CFAP299: variants seen among roughly 807,000 people sequenced by gnomAD.
CFAP299 encodes cilia and flagella associated protein 299.
Under a neutral mutation model 27.0 loss-of-function variants are expected in CFAP299, and 21 were observed. The observed-to-expected ratio is 0.78, with a 90% confidence interval of 0.55 to 1.12. CFAP299 has a LOEUF of 1.12. CFAP299 is among the 50% of genes most tolerant of loss of function. The pLI is 0.00. For missense variants in CFAP299, 310 were observed against 276.6 expected, an observed-to-expected ratio of 1.12 and a Z score of -0.86; for synonymous variants, 104 against 98.1, an observed-to-expected ratio of 1.06 and a Z score of -0.36.
chr4:80,636,874 G>T (rs931432513), intron 3 of CFAP299, among the ~76,000 whole-genome samples: 3 of 152,126 alleles, frequency 2.0e-5, no homozygotes, highest in Non-Finnish European at 2.9e-5. Context: ...TGTAGAGAAA[G>T]TTTGTCCACC....
chr4:80,672,841 G>C (rs1414715699), intron 3 of CFAP299, among the ~76,000 whole-genome samples: 1 of 151,884 alleles, frequency 6.6e-6, no homozygotes. Flanking sequence ...TGTGGGATCA[G>C]TGGTGATATC....
the CFAP299 span, among the ~76,000 whole-genome samples, chr4:80,326,869 T>C: frequency 6.2e-4 from 94 of 152,352 alleles, no homozygotes; most frequent in Non-Finnish European, 1.3e-3. Context: ...CTTTGGGTAG[T>C]CTTTTAAAGA....
chr4:80,770,532 A>T (rs1726150885), intron 3 of CFAP299, among the ~76,000 whole-genome samples: 3 of 152,248 alleles, frequency 2.0e-5, no homozygotes, highest in South Asian at 4.1e-4. Context: ...CAAGGTACAT[A>T]TTAAAAACCA....
intron 3 of CFAP299, among the ~76,000 whole-genome samples, chr4:80,860,456 T>C (rs1441992826): frequency 6.6e-6 from 1 of 152,230 alleles, no homozygotes; most frequent in Non-Finnish European, 1.5e-5. Context: ...GGTGAGGAAC[T>C]GCGATCCTTT....
intron 3 of CFAP299, chr4:80,790,391 T>G (rs772631378): frequency 6.6e-6 from 1 of 152,026 alleles, no homozygotes; most frequent in Non-Finnish European, 1.5e-5. Context: ...GAACCCATCT[T>G]GAATCATGCT....
intron 1 of CFAP299, among the ~76,000 whole-genome samples, chr4:80,358,357 T>A (rs188990637): frequency 1.3e-5 from 2 of 152,112 alleles, no homozygotes; most frequent in Admixed American, 1.3e-4. Context: ...TCCACTTGAT[T>A]TAATGCTGAG....
At chr4:80,555,256 A>G (rs1319826039) in intron 2 of CFAP299, among the ~76,000 whole-genome samples, 3 of 152,110 alleles carry the variant, frequency 2.0e-5, no homozygotes, top group Non-Finnish European at 4.4e-5. Flanking sequence ...TGAAATAATC[A>G]TGTAGTTTTT....
intron 2 of CFAP299, among the ~76,000 whole-genome samples, chr4:80,576,767 G>T (rs1316223266): frequency 6.6e-6 from 1 of 152,116 alleles, no homozygotes. Context: ...AAGGAACTAA[G>T]GCACAGAGAG....
intron 4 of CFAP299, among the ~76,000 whole-genome samples, chr4:80,937,592 A>G (rs1240685976): frequency 6.6e-6 from 1 of 151,830 alleles, no homozygotes; most frequent in Non-Finnish European, 1.5e-5. Context: ...AATATTTTCT[A>G]TTCCTTAATT....
chr4:80,578,310 C>T (rs573880795), intron 2 of CFAP299, among the ~76,000 whole-genome samples: 87 of 152,190 alleles, frequency 5.7e-4, no homozygotes, highest in African/African-American at 2.0e-3. Flanking sequence ...AATTCCTTAC[C>T]TCACACTCTG....
chr4:80,795,336 C>A lies in CFAP299; in HGVS notation c.334-74657C>A, dbSNP rs577170677. On this transcript the variant is annotated intron_variant, in intron 3 of 5. Transcript: ENST00000358105. Reference sequence around the variant, plus strand: ...ACAACTGGCCATTTCTCCTTTCATGCAAAGTACACAACCAGGTGCACTGCC... The same window carrying A: ...ACAACTGGCCATTTCTCCTTTCATGAAAAGTACACAACCAGGTGCACTGCC... Among the ~76,000 whole-genome samples the A allele has an allele frequency of 4.6e-5, 7 of 152,290 alleles. No individual in the cohort carries two copies. The South Asian group carries it at 1.2e-3, about 27-fold the overall frequency.
chr4:80,456,408 G>T (rs1729160419), intron 2 of CFAP299, among the ~76,000 whole-genome samples: 1 of 152,040 alleles, frequency 6.6e-6, no homozygotes, highest in South Asian at 2.1e-4. Context: ...GCAGCGAGAG[G>T]CTTTGTAATA....
At chr4:80,687,870 A>G (rs13148923) in intron 3 of CFAP299, among the ~76,000 whole-genome samples, 105,663 of 152,116 alleles carry the variant, frequency 0.69, 40,518 homozygotes, top group Non-Finnish European at 0.85. Context: ...GCATTGCCTC[A>G]CTGGGGAAGC....
intron 4 of CFAP299, among the ~76,000 whole-genome samples, chr4:80,918,111 G>T (rs978333920): frequency 6.6e-6 from 1 of 152,080 alleles, no homozygotes; most frequent in Admixed American, 6.6e-5. Context: ...TACCAATCAA[G>T]CATGATTTCT....
intron 2 of CFAP299, among the ~76,000 whole-genome samples, chr4:80,568,544 G>A (rs1735424965): frequency 6.6e-6 from 1 of 151,978 alleles, no homozygotes; most frequent in Admixed American, 6.6e-5. Context: ...CCTATGTTGT[G>A]GTGATCACAT....
At chr4:80,831,229 T>C (rs542155516) in intron 3 of CFAP299, among the ~76,000 whole-genome samples, 2 of 152,288 alleles carry the variant, frequency 1.3e-5, no homozygotes, top group South Asian at 4.1e-4. Context: ...ATATAAGTTA[T>C]CAGTTTTATG....
chr4:80,799,159 A>C (rs948076370), intron 3 of CFAP299, among the ~76,000 whole-genome samples: 1 of 128,048 alleles, frequency 7.8e-6, no homozygotes, highest in African/African-American at 2.9e-5. Flanking sequence ...AAATATATTT[A>C]TACAATATTT....
intron 3 of CFAP299, among the ~76,000 whole-genome samples, chr4:80,749,943 A>G (rs1483923276): frequency 1.3e-5 from 2 of 152,224 alleles, no homozygotes; most frequent in Non-Finnish European, 2.9e-5. Flanking sequence ...TAACCATCAC[A>G]GTACTTATCA....
At chr4:80,376,757 C>T (rs1053438547) in intron 2 of CFAP299, among the ~76,000 whole-genome samples, 11 of 152,190 alleles carry the variant, frequency 7.2e-5, no homozygotes, top group Admixed American at 1.3e-4. Flanking sequence ...CAGGTTGAAA[C>T]GATCCTCCTG....
Sources: gnomAD v4.1 joint callset for allele counts (sites outside exome capture counted in the v4.1 genomes callset) on GRCh38, gnomAD v4.1.1 for gene constraint, MANE v1.5 for transcripts, NCBI Gene and HGNC (gene_info 2026-07-23, HGNC 2026-07-21) for gene names.